Variants in LGR5 observed in about 807,000 individuals in gnomAD.
LGR5 encodes leucine rich repeat containing G protein-coupled receptor 5, also known as leucine-rich repeat-containing G protein-coupled receptor 5.
A neutral mutation model predicts 76.7 loss-of-function variants in LGR5; 54 were observed. The ratio of observed to expected loss-of-function variants is 0.70; its 90% CI spans 0.57 to 0.88. The LOEUF is 0.88. LGR5 is among the 40% of genes least tolerant of loss of function. The pLI, the probability that LGR5 is intolerant of heterozygous loss-of-function variation, is 0.00. For missense variants in LGR5, 1,078 were observed against 1,073.3 expected (o/e 1.00, Z -0.06); for synonymous variants, 406 against 421.9 (o/e 0.96, Z 0.46).
At chr12:71,513,225 G>A (rs1182196338) in intron 2 of LGR5, among the ~76,000 whole-genome samples, 1 of 152,140 alleles carries the variant, frequency 6.6e-6, no homozygotes, top group Non-Finnish European at 1.5e-5. Context: ...GAGCAATGAA[G>A]ACTAAAAGAG....
At position 71,572,858 on chromosome 12, in the gene LGR5, G is replaced by A. The variant is rs758187408; in HGVS notation, c.1145G>A (p.Arg382Lys). Residue 382 changes from arginine to lysine, a missense_variant, in exon 13 of 18, where the codon AGA (arginine) becomes AAA (lysine). Transcript: ENST00000266674. Reference sequence around the variant, plus strand: ...GAACCCTGTCATTTCAGTGACCTAAGACATAATGAAATCTACGAAATTAAA... The same window carrying A: ...GAACCCTGTCATTTCAGTGACCTAAAACATAATGAAATCTACGAAATTAAA... ...VCQKLQKIDL[R>K]HNEIYEIKVD... is the part of the protein sequence containing the mutation. The A allele has an allele frequency of 2.3e-5, 37 of 1,613,216 alleles. No homozygotes were observed. The highest frequency in any genetic ancestry group is 3.1e-5 in the Non-Finnish European group (36 of 1,179,264).
At chr12:71,477,898 G>A (rs1354984138) in intron 1 of LGR5, among the ~76,000 whole-genome samples, 1 of 152,142 alleles carries the variant, frequency 6.6e-6, no homozygotes, top group African/African-American at 2.4e-5. Context: ...TCTCATGGTG[G>A]ATACAACTCC....
At chr12:71,523,529 G>A (rs1875827233) in intron 2 of LGR5, among the ~76,000 whole-genome samples, 1 of 152,126 alleles carries the variant, frequency 6.6e-6, no homozygotes, top group African/African-American at 2.4e-5. Context: ...TTGAGTCCCA[G>A]TTCTACTCAC....
chr12:71,509,271 C>A (rs190020448), intron 2 of LGR5, among the ~76,000 whole-genome samples: 1 of 152,068 alleles, frequency 6.6e-6, no homozygotes, highest in Non-Finnish European at 1.5e-5. Context: ...GATGAAAGAA[C>A]GTTGGTAAAC....
intron 1 of LGR5, among the ~76,000 whole-genome samples, chr12:71,463,715 T>G (rs927960745): frequency 2.6e-5 from 4 of 152,150 alleles, no homozygotes; most frequent in African/African-American, 9.7e-5. Flanking sequence ...AATTGATCAT[T>G]CTACTGTATA....
At chr12:71,570,078 G>C (rs1878533005) in intron 11 of LGR5, among the ~76,000 whole-genome samples, 1 of 152,044 alleles carries the variant, frequency 6.6e-6, no homozygotes, top group South Asian at 2.1e-4. Context: ...AACATTGCAA[G>C]TTCTCACTTG....
intron 8 of LGR5, among the ~76,000 whole-genome samples, chr12:71,563,582 T>C (rs1280611): frequency 0.69 from 105,003 of 152,084 alleles, 39,229 homozygotes; most frequent in Non-Finnish European, 0.84. Context: ...AAAGCTCTCC[T>C]CATTCACCCT....
chr12:71,562,945 A>G (rs1021548670), intron 8 of LGR5, among the ~76,000 whole-genome samples: 1 of 152,212 alleles, frequency 6.6e-6, no homozygotes, highest in African/African-American at 2.4e-5. Flanking sequence ...TTCTGGCAAT[A>G]TTTTGGCAAA....
At chr12:71,504,803 A>T in intron 2 of LGR5, 118 bp downstream of exon 2, 3 of 847,772 alleles carry the variant, frequency 3.5e-6, no homozygotes, top group Non-Finnish European at 6.2e-6. Flanking sequence ...CAGCACCAAC[A>T]ATTTCAGAAC....
At chr12:71,482,055 T>C (rs1380842104) in intron 1 of LGR5, among the ~76,000 whole-genome samples, 1 of 152,136 alleles carries the variant, frequency 6.6e-6, no homozygotes, top group Non-Finnish European at 1.5e-5. Context: ...AAAAGGAAAG[T>C]GGGGAGGGAA....
chr12:71,491,889 A>G (rs1376985275), intron 1 of LGR5, among the ~76,000 whole-genome samples: 2 of 150,684 alleles, frequency 1.3e-5, no homozygotes, highest in South Asian at 2.1e-4. Flanking sequence ...GTTGCACATA[A>G]GTCTTGAACA....
chr12:71,498,200 A>G (rs2137292777), intron 1 of LGR5, among the ~76,000 whole-genome samples: 1 of 152,344 alleles, frequency 6.6e-6, no homozygotes, highest in Middle Eastern at 3.4e-3. Context: ...AAATTTAATT[A>G]CAAGCAAAAA....
intron 11 of LGR5, among the ~76,000 whole-genome samples, chr12:71,570,414 C>T (rs1050494232): frequency 9.9e-5 from 15 of 152,140 alleles, no homozygotes; most frequent in Non-Finnish European, 5.9e-5. Context: ...GTCTTTTGTT[C>T]CCTCTATTAA....
chr12:71,547,057 T>G (rs972564625), intron 4 of LGR5, among the ~76,000 whole-genome samples: 1 of 152,050 alleles, frequency 6.6e-6, no homozygotes, highest in African/African-American at 2.4e-5. Flanking sequence ...AAGCCCTCCC[T>G]CCAGAGAAGG....
intron 17 of LGR5, among the ~76,000 whole-genome samples, chr12:71,582,973 G>A (rs971884669): frequency 7.2e-6 from 1 of 138,036 alleles, no homozygotes; most frequent in Non-Finnish European, 1.6e-5. Flanking sequence ...AGAAAGGAAG[G>A]AAGGAAGGAG....
intron 1 of LGR5, among the ~76,000 whole-genome samples, chr12:71,443,164 A>T (rs1280592325): frequency 6.6e-6 from 1 of 152,232 alleles, no homozygotes; most frequent in African/African-American, 2.4e-5. Flanking sequence ...AGCTGTACAC[A>T]TTTGGCAAGT....
intron 1 of LGR5, among the ~76,000 whole-genome samples, chr12:71,453,107 A>C (rs1239958320): frequency 6.6e-6 from 1 of 152,226 alleles, no homozygotes; most frequent in Non-Finnish European, 1.5e-5. Context: ...AAAGAACGAA[A>C]AGAACAGCAG....
At chr12:71,534,680 C>T (rs974259086) in intron 3 of LGR5, among the ~76,000 whole-genome samples, 2 of 152,204 alleles carry the variant, frequency 1.3e-5, no homozygotes, top group Non-Finnish European at 1.5e-5. Context: ...TCCTTTGCTG[C>T]TCCTTTAACA....
At chr12:71,469,546 G>T (rs1423985833) in intron 1 of LGR5, among the ~76,000 whole-genome samples, 1 of 152,216 alleles carries the variant, frequency 6.6e-6, no homozygotes, top group East Asian at 1.9e-4. Flanking sequence ...CGCTGACAGT[G>T]ATCTGACAGA....
Sources: gnomAD v4.1 joint callset for allele counts (sites outside exome capture counted in the v4.1 genomes callset) on GRCh38, gnomAD v4.1.1 for gene constraint, MANE v1.5 for transcripts, NCBI Gene and HGNC (gene_info 2026-07-23, HGNC 2026-07-21) for gene names.